Variants in FAM120A observed in about 807,000 individuals in gnomAD.
FAM120A encodes family with sequence similarity 120 member A, also known as constitutive coactivator of PPAR-gamma-like protein 1.
FAM120A carries 15 observed loss-of-function variants against 109.7 expected under a neutral mutation model. That is an observed-to-expected ratio of 0.14 (90% CI 0.09 to 0.21). The LOEUF (loss-of-function observed/expected upper bound fraction) is 0.21, where lower values mean the gene tolerates loss of function less well. Ranked by LOEUF, FAM120A falls within the 10% of genes least tolerant of loss-of-function variation. The pLI, the probability that FAM120A is intolerant of heterozygous loss-of-function variation, is 1.00. For synonymous variants in FAM120A, 493 were observed against 572.8 expected (o/e 0.86, Z 1.99); for missense variants, 899 against 1,439.3 (o/e 0.62, Z 6.07).
rs397834985 is a variant in FAM120A at position 93,515,087 on chromosome 9, A to G, written c.1031-580A>G. Among the ~76,000 whole-genome samples, 4 of 145,500 alleles carry G rather than the reference A, an allele frequency of 2.7e-5. 1 individual carries two copies. The South Asian group carries it at 6.3e-4, about 23-fold the overall frequency. ...GAGAACACAGAATCACAAATTACTC[A>G]TCCTGTATATGTGTTAAAATGTGTA... On this transcript the variant is annotated intron_variant, in intron 5 of 17. Transcript: ENST00000277165.
chr9:93,519,677 A>G (rs1860759127), intron 7 of FAM120A, among the ~76,000 whole-genome samples: 1 of 152,166 alleles, frequency 6.6e-6, no homozygotes, highest in Non-Finnish European at 1.5e-5. Flanking sequence ...TCTGTAGTGT[A>G]CGTTCAGTGA....
intron 10 of FAM120A, among the ~76,000 whole-genome samples, chr9:93,542,528 T>G (rs897884888): frequency 6.6e-6 from 1 of 152,240 alleles, no homozygotes; most frequent in Non-Finnish European, 1.5e-5. Context: ...AGGTATTGTT[T>G]CCATGTTACA....
Position 93,452,825 on chromosome 9 carries a change from G to C in FAM120A, c.474+436G>C. On this transcript the variant is annotated intron_variant, in intron 1 of 17. Coordinates refer to ENST00000277165, the MANE Select transcript of FAM120A (RefSeq NM_014612.5). The surrounding 1 kb of genome is among the most constrained non-coding windows in gnomAD (Gnocchi z 7.0). ...TCATCTTGGAAGCAGGCAGGATACAGAGTAATAGAGGGGGTTTCGCCAGAG... is the reference window on the plus strand; with the variant it reads ...TCATCTTGGAAGCAGGCAGGATACACAGTAATAGAGGGGGTTTCGCCAGAG... The C allele has an allele frequency of 1.9e-6, 3 of 1,555,218 alleles. No homozygotes were observed. The highest frequency in any genetic ancestry group is 1.4e-5 in the African/African-American group (1 of 73,172).
intron 3 of FAM120A, among the ~76,000 whole-genome samples, chr9:93,482,899 C>G (rs1373874394): frequency 6.6e-6 from 1 of 152,178 alleles, no homozygotes; most frequent in African/African-American, 2.4e-5. Flanking sequence ...TGGACTAGGG[C>G]TAGAGGTCCC....
chr9:93,484,429 C>A, intron 3 of FAM120A, among the ~76,000 whole-genome samples: 1 of 152,090 alleles, frequency 6.6e-6, no homozygotes, highest in Non-Finnish European at 1.5e-5. Context: ...GAACAGAGGC[C>A]AGCAAGGGAA....
intron 1 of FAM120A, among the ~76,000 whole-genome samples, chr9:93,461,863 A>G (rs1212428951): frequency 6.6e-6 from 1 of 152,244 alleles, no homozygotes; most frequent in African/African-American, 2.4e-5. Flanking sequence ...GGTAAGCATA[A>G]TAACAAATAT....
intron 5 of FAM120A, among the ~76,000 whole-genome samples, chr9:93,502,771 A>C (rs1440123802): frequency 6.6e-6 from 1 of 152,236 alleles, no homozygotes; most frequent in Non-Finnish European, 1.5e-5. Context: ...AGCATGTAAA[A>C]TCTGCTATAG....
At chr9:93,459,947 T>G (rs1300327403) in intron 1 of FAM120A, among the ~76,000 whole-genome samples, 1 of 152,212 alleles carries the variant, frequency 6.6e-6, no homozygotes, top group East Asian at 1.9e-4. Flanking sequence ...TATAAATGTT[T>G]GCGATAGAGA....
chr9:93,544,663 A>G (rs1292642421), intron 11 of FAM120A, among the ~76,000 whole-genome samples: 1 of 152,230 alleles, frequency 6.6e-6, no homozygotes, highest in Non-Finnish European at 1.5e-5. Context: ...AGAACCATCA[A>G]AATCAATCCG....
At chr9:93,511,937 G>A (rs987985118) in intron 5 of FAM120A, among the ~76,000 whole-genome samples, 9 of 152,132 alleles carry the variant, frequency 5.9e-5, no homozygotes, top group Non-Finnish European at 1.2e-4. Flanking sequence ...GGTTATAGGC[G>A]CCTGCCACCA....
intron 2 of FAM120A, among the ~76,000 whole-genome samples, chr9:93,475,100 T>G (rs1858491863): frequency 6.6e-6 from 1 of 152,202 alleles, no homozygotes; most frequent in Admixed American, 6.5e-5. Flanking sequence ...TTTTAGAGTA[T>G]TTGCATATGC....
chr9:93,466,018 C>T (rs1858000070), intron 1 of FAM120A, among the ~76,000 whole-genome samples: 1 of 152,152 alleles, frequency 6.6e-6, no homozygotes, highest in African/African-American at 2.4e-5. Flanking sequence ...CAGCACCCCA[C>T]ATGGCACGTG....
chr9:93,466,558 A>G (rs1858027348), intron 1 of FAM120A, among the ~76,000 whole-genome samples: 1 of 151,116 alleles, frequency 6.6e-6, no homozygotes, highest in South Asian at 2.1e-4. Context: ...TGTTATGGAG[A>G]AGGTGCCTGG....
intron 9 of FAM120A, chr9:93,530,151 T>A: frequency 6.3e-6 from 1 of 159,854 alleles, no homozygotes; most frequent in South Asian, 1.7e-4. Context: ...TGTCATAATT[T>A]CACTTTATTA....
Position 93,532,256 on chromosome 9 carries a change from C to G in FAM120A, c.1836C>G (p.Val612=), listed in dbSNP as rs554934559. Residue 612 remains valine, a synonymous_variant, in exon 10 of 18, where the codon GTC becomes GTG. Coordinates refer to ENST00000277165, the MANE Select transcript of FAM120A (RefSeq NM_014612.5). The surrounding 1 kb of genome is among the most constrained non-coding windows in gnomAD (Gnocchi z 4.3). ...CAGTTCGTCAGTATGTTTACGGAGT[C>G]CTGTTTAGTTTGGCAGAAAGCAGAA... is the stretch of plus-strand genomic sequence containing the variant. ...YRPVRQYVYG[V]LFSLAESRKK... 22 of 1,614,232 alleles carry G rather than the reference C, an allele frequency of 1.4e-5. No homozygotes were observed. The South Asian group carries it at 2.0e-4, about 15-fold the overall frequency.
intron 3 of FAM120A, among the ~76,000 whole-genome samples, chr9:93,485,593 A>G (rs1441100638): frequency 1.3e-5 from 2 of 151,910 alleles, no homozygotes; most frequent in African/African-American, 4.8e-5. Flanking sequence ...GTAAGACCCT[A>G]TCTCCACAAA....
intron 3 of FAM120A, among the ~76,000 whole-genome samples, chr9:93,480,959 C>G (rs1858772194): frequency 6.6e-6 from 1 of 152,232 alleles, no homozygotes; most frequent in Admixed American, 6.5e-5. Flanking sequence ...GTCAGGCAGC[C>G]TGGTACCCAG....
intron 9 of FAM120A, chr9:93,529,893 T>A: frequency 1.8e-6 from 1 of 549,600 alleles, no homozygotes; most frequent in Non-Finnish European, 3.2e-6. Context: ...AATTTCAGAA[T>A]TTTCTTAAAC....
At chr9:93,545,447 T>C (rs1341974060) in intron 11 of FAM120A, among the ~76,000 whole-genome samples, 1 of 152,226 alleles carries the variant, frequency 6.6e-6, no homozygotes, top group Non-Finnish European at 1.5e-5. Flanking sequence ...GAGGCTTGGC[T>C]GGGAAGCCCC....
Sources: allele counts gnomAD v4.1 joint callset (sites outside exome capture counted in the v4.1 genomes callset), GRCh38; gene constraint gnomAD v4.1.1; non-coding constraint Gnocchi (gnomAD v3.1); transcripts MANE v1.5; gene names NCBI Gene and HGNC (gene_info 2026-07-23, HGNC 2026-07-21).